The following BORCS5 variants were observed in gnomAD, a reference collection of about 807,000 sequenced individuals.
BORCS5 encodes BLOC-1-related complex subunit 5.
Under a neutral mutation model 22.1 loss-of-function variants are expected in BORCS5, and 17 were observed. That is an observed-to-expected ratio of 0.77 (90% confidence interval 0.53 to 1.15). The LOEUF (loss-of-function observed/expected upper bound fraction) is 1.15. Among genes scored for constraint, BORCS5 ranks in the 50% most tolerant of loss-of-function variants. The pLI, the probability that BORCS5 is intolerant of heterozygous loss-of-function variation, is 0.00. For synonymous variants in BORCS5, 117 were observed against 99.8 expected, an observed-to-expected ratio of 1.17 and a Z score of -1.03; for missense variants, 247 against 253.2, an observed-to-expected ratio of 0.98 and a Z score of 0.17.
intron 2 of BORCS5, among the ~76,000 whole-genome samples, chr12:12,406,001 C>G (rs1941587345): frequency 6.6e-6 from 1 of 152,194 alleles, no homozygotes; most frequent in Non-Finnish European, 1.5e-5. Flanking sequence ...ACCTGCCGTG[C>G]CTTGCACGGC....
intron 1 of BORCS5, among the ~76,000 whole-genome samples, chr12:12,360,909 CAG>C (rs1863268896): frequency 6.6e-6 from 1 of 152,034 alleles, no homozygotes; most frequent in Admixed American, 6.6e-5. Context: ...TTAGTAGAGA[CAG>C]GGTTTCGCCA....
At chr12:12,435,945 G>T in intron 3 of BORCS5, 160 bp downstream of exon 3, 2 of 651,176 alleles carry the variant, frequency 3.1e-6, no homozygotes, top group South Asian at 2.3e-5. Context: ...CACAGAGCTG[G>T]GCTAATTTAG....
At chr12:12,412,912 T>TC (rs1208562572) in intron 2 of BORCS5, among the ~76,000 whole-genome samples, 14 of 142,918 alleles carry the variant, frequency 9.8e-5, no homozygotes, top group South Asian at 9.0e-4. Flanking sequence ...TTTTTTTTTT[T>TC]TTTTTTTTTT....
intron 3 of BORCS5, among the ~76,000 whole-genome samples, chr12:12,454,936 C>A (rs1942972163): frequency 6.6e-6 from 1 of 152,114 alleles, no homozygotes; most frequent in African/African-American, 2.4e-5. Context: ...TAAATTCAGG[C>A]CTTCTGACTT....
At chr12:12,433,486 G>C (rs1266050865) in intron 2 of BORCS5, among the ~76,000 whole-genome samples, 2 of 152,046 alleles carry the variant, frequency 1.3e-5, no homozygotes, top group African/African-American at 4.8e-5. Context: ...ACCAAAAAAG[G>C]GAGGGATGGG....
chr12:12,362,000 CT>C (rs1863296567), intron 2 of BORCS5, among the ~76,000 whole-genome samples: 1 of 152,150 alleles, frequency 6.6e-6, no homozygotes, highest in Admixed American at 6.5e-5. Context: ...ACTGGTGTTT[CT>C]GCTGTAAGAG....
chr12:12,431,843 G>A (rs1009229105), intron 2 of BORCS5, among the ~76,000 whole-genome samples: 5 of 151,912 alleles, frequency 3.3e-5, no homozygotes, highest in African/African-American at 4.8e-5. Flanking sequence ...ACAGGTGCAT[G>A]CCACCACACC....
intron 2 of BORCS5, among the ~76,000 whole-genome samples, chr12:12,423,927 T>G (rs185647623): frequency 6.6e-6 from 1 of 152,286 alleles, no homozygotes; most frequent in East Asian, 1.9e-4. Flanking sequence ...TGACCTCAAG[T>G]GATCTGCCCA....
intron 2 of BORCS5, among the ~76,000 whole-genome samples, chr12:12,384,563 A>G (rs1160649301): frequency 6.6e-6 from 1 of 150,472 alleles, no homozygotes; most frequent in Non-Finnish European, 1.5e-5. Flanking sequence ...GCAGCTGTGG[A>G]TTCTGATCCT....
chr12:12,413,888 A>AC lies in BORCS5; in HGVS notation c.203-21733dup, dbSNP rs1404551533. Reference sequence around the variant, plus strand: ...GGGTGGCTGGTCAGGCGGGGGGCTGACCCCCCCACCTCCCTCCCGGACTGG... The same window carrying AC: ...GGGTGGCTGGTCAGGCGGGGGGCTGACCCCCCCCACCTCCCTCCCGGACTGG... On this transcript the variant is annotated intron_variant, in intron 2 of 3. Coordinates refer to ENST00000314565, the MANE Select transcript of BORCS5 (RefSeq NM_058169.6). Among the ~76,000 whole-genome samples, 15 of 38,602 alleles carry AC rather than the reference A, an allele frequency of 3.9e-4. 4 individuals carry two copies. Among genetic ancestry groups the AC allele is most frequent in the South Asian group, 2.1e-3 (3 of 1,422 alleles). The allele number at this position is 38,602 out of a possible 152,430, so 25.3% of individuals were successfully genotyped here. A position where few individuals can be genotyped will look rare whatever the true frequency, so the allele number is the denominator to read the frequency against.
intron 2 of BORCS5, among the ~76,000 whole-genome samples, chr12:12,420,020 C>A (rs1409129121): frequency 1.3e-5 from 2 of 152,084 alleles, no homozygotes; most frequent in East Asian, 3.9e-4. Flanking sequence ...ATGGTAGTTT[C>A]TTTTGCTGTG....
In BORCS5 at chr12:12,357,083, C is replaced by A. The variant is rs1863151394; in HGVS notation, c.-369C>A. ...TTGCGTAGCCGGCACCGCCCATCTG[C>A]GTCCCGGAAGGAGCGAGCTTGCGGA... is the stretch of plus-strand genomic sequence containing the variant. On this transcript the variant is annotated 5_prime_UTR_variant, in exon 1 of 4. Transcript: ENST00000314565. The A allele has an allele frequency of 6.5e-7, 1 of 1,533,444 alleles. No homozygotes were observed. Among genetic ancestry groups the A allele is most frequent in the Non-Finnish European group, 8.7e-7 (1 of 1,145,306 alleles). The allele number at this position is 1,533,444 out of a possible 1,614,324, so 95.0% of individuals were successfully genotyped here. A position where few individuals can be genotyped will look rare whatever the true frequency, so the allele number is the denominator to read the frequency against.
intron 2 of BORCS5, among the ~76,000 whole-genome samples, chr12:12,378,955 A>G (rs966250591): frequency 2.7e-5 from 4 of 150,512 alleles, no homozygotes; most frequent in Non-Finnish European, 4.4e-5. Flanking sequence ...AGGGTTCCGT[A>G]TGTTGCCCAG....
At chr12:12,420,657 T>C (rs556116017) in intron 2 of BORCS5, among the ~76,000 whole-genome samples, 2 of 151,912 alleles carry the variant, frequency 1.3e-5, no homozygotes, top group East Asian at 3.9e-4. Flanking sequence ...TTTCATGATA[T>C]TGATTCTTTG....
intron 2 of BORCS5, among the ~76,000 whole-genome samples, chr12:12,404,650 C>A (rs1941552922): frequency 6.6e-6 from 1 of 152,232 alleles, no homozygotes; most frequent in African/African-American, 2.4e-5. Context: ...AGGAGCACTC[C>A]TCAGCATGTC....
At chr12:12,370,366 A>G (rs1430551001) in intron 2 of BORCS5, among the ~76,000 whole-genome samples, 1 of 151,996 alleles carries the variant, frequency 6.6e-6, no homozygotes, top group African/African-American at 2.4e-5. Context: ...TTTTTTGCCC[A>G]CTTTTGTTAT....
intron 3 of BORCS5, among the ~76,000 whole-genome samples, chr12:12,438,107 A>T (rs1415416530): frequency 6.6e-6 from 1 of 152,164 alleles, no homozygotes; most frequent in Non-Finnish European, 1.5e-5. Context: ...TCTTAGAATT[A>T]TAATAAATTG....
At chr12:12,374,154 AT>A (rs1001027229) in intron 2 of BORCS5, among the ~76,000 whole-genome samples, 2,765 of 146,860 alleles carry the variant, frequency 0.019, 87 homozygotes, top group African/African-American at 0.064. Flanking sequence ...CGTCTGGCTA[AT>A]TTTTTTTTTG....
At position 12,470,470 on chromosome 12, in the gene BORCS5, AC is replaced by A. The variant is rs1243271654; in HGVS notation, c.*4697del. 2.6e-5 allele frequency among the ~76,000 whole-genome samples: 4 copies of A among 152,042 alleles called. No homozygotes were observed. The highest frequency in any genetic ancestry group is 6.6e-5 in the Admixed American group (1 of 15,258). On this transcript the variant is annotated 3_prime_UTR_variant, in exon 4 of 4. Transcript: ENST00000314565. Reference sequence around the variant, plus strand: ...GCATTAGACTCCCCTAAGAGCGTGAACCCTATTGTGAACTGCGCACGTGAAG... The same window carrying A: ...GCATTAGACTCCCCTAAGAGCGTGAACCTATTGTGAACTGCGCACGTGAAG...
Sources: gnomAD v4.1 joint callset for allele counts (sites outside exome capture counted in the v4.1 genomes callset) on GRCh38, gnomAD v4.1.1 for gene constraint, MANE v1.5 for transcripts, NCBI Gene and HGNC (gene_info 2026-07-23, HGNC 2026-07-21) for gene names.